BANP: variants seen among roughly 807,000 people sequenced by gnomAD.
BANP encodes BTG3 associated nuclear protein, also known as protein BANP.
In BANP, 11 loss-of-function variants were observed where a neutral mutation model predicts 68.1. The observed-to-expected ratio is 0.16, with a 90% CI of 0.10 to 0.27. The LOEUF is 0.27. Among genes scored for constraint, BANP ranks in the 10% least tolerant of loss-of-function variants. BANP has a pLI of 1.00. For synonymous variants in BANP, 329 were observed against 303.2 expected (o/e 1.09, Z -0.88); for missense variants, 504 against 722.7 (o/e 0.70, Z 3.47).
At chr16:88,024,993 G>A (rs1378388510) in intron 7 of BANP, among the ~76,000 whole-genome samples, 1 of 152,120 alleles carries the variant, frequency 6.6e-6, no homozygotes, top group Non-Finnish European at 1.5e-5. Context: ...AATTTTGTAT[G>A]GACTCATTCA....
At chr16:88,075,918 GTATT>G (rs143703921) in intron 13 of BANP, among the ~76,000 whole-genome samples, 35,417 of 151,504 alleles carry the variant, frequency 0.23, 4,471 homozygotes, top group East Asian at 0.47. Flanking sequence ...GCTAATTTTT[GTATT>G]TATTGTAGAG....
At chr16:88,060,980 A>C (rs2086604288) in intron 11 of BANP, among the ~76,000 whole-genome samples, 2 of 151,474 alleles carry the variant, frequency 1.3e-5, no homozygotes, top group East Asian at 3.9e-4. Context: ...CCAGTGAGTC[A>C]GAAGACCCCA....
At chr16:88,045,436 G>A (rs1228526445) in intron 11 of BANP, among the ~76,000 whole-genome samples, 1 of 152,252 alleles carries the variant, frequency 6.6e-6, no homozygotes, top group Non-Finnish European at 1.5e-5. Context: ...CAGCTGGGCT[G>A]TGCTAAGGGG....
chr16:88,018,657 C>T lies in BANP; in HGVS notation c.885C>T (p.Tyr295=), dbSNP rs772498217. 5.8e-6 allele frequency: 9 copies of T among 1,561,546 alleles called. No individual in the cohort carries two copies. Among genetic ancestry groups the T allele is most frequent in the East Asian group, 4.8e-5 (2 of 41,722 alleles). ...GKKQLDPLTI[Y]GIRCHLFYKF... ...AGCAGCTGGACCCGCTCACCATCTA[C>T]GGCATCCGGTGTAAGTCGGGCCCCG... Residue 295 remains tyrosine (Y), a synonymous_variant, in exon 7 of 14, where the codon TAC becomes TAT. Transcript: ENST00000682872. This position sits in a 1 kb window ranked among gnomAD's most constrained non-coding sequence, Gnocchi z 7.7.
chr16:88,043,919 G>T (rs1323076176), intron 11 of BANP, among the ~76,000 whole-genome samples: 1 of 152,232 alleles, frequency 6.6e-6, no homozygotes, highest in Non-Finnish European at 1.5e-5. Flanking sequence ...TGTAAGGATT[G>T]AAATTTGCAG....
At chr16:88,037,125 T>C (rs2079560402) in intron 10 of BANP, 1 of 152,122 alleles carries the variant, frequency 6.6e-6, no homozygotes, top group Non-Finnish European at 1.5e-5. Context: ...TTAGAGTCAT[T>C]GAAAATGCAG....
At chr16:87,958,931 G>C (rs973635648) in intron 1 of BANP, among the ~76,000 whole-genome samples, 1 of 152,246 alleles carries the variant, frequency 6.6e-6, no homozygotes, top group Non-Finnish European at 1.5e-5. Flanking sequence ...ATCCTTTGCA[G>C]ACATAGAGAA....
chr16:88,064,991 C>G lies in BANP; in HGVS notation c.1312-276C>G, dbSNP rs190714777. Among the ~76,000 whole-genome samples, 1 of 152,354 alleles carries G rather than the reference C, an allele frequency of 6.6e-6. No homozygotes were observed. Among genetic ancestry groups the G allele is most frequent in the Admixed American group, 6.5e-5 (1 of 15,308 alleles). On this transcript the variant is annotated intron_variant, in intron 11 of 13. Coordinates refer to ENST00000682872, the MANE Select transcript of BANP (RefSeq NM_001386991.1). The surrounding 1 kb of genome is among the most constrained non-coding windows in gnomAD (Gnocchi z 4.5). ...ACAAACTCTTTCTAATGGAAAAAAG[C>G]GGTTGCTCTCCCTGCAGCTGCCAGC... is the stretch of plus-strand genomic sequence containing the variant.
intron 11 of BANP, among the ~76,000 whole-genome samples, chr16:88,052,300 C>T (rs758223671): frequency 3.9e-4 from 59 of 152,158 alleles, no homozygotes; most frequent in Admixed American, 6.5e-4. Flanking sequence ...TAGCGCTCTG[C>T]CTGCATTAAC....
intron 11 of BANP, among the ~76,000 whole-genome samples, chr16:88,054,883 C>G (rs2084590792): frequency 6.6e-6 from 1 of 152,186 alleles, no homozygotes; most frequent in Non-Finnish European, 1.5e-5. Context: ...CAGATTGAAT[C>G]TAATGTGCAG....
intron 7 of BANP, among the ~76,000 whole-genome samples, chr16:88,023,785 G>A (rs2058270932): frequency 6.6e-6 from 1 of 152,214 alleles, no homozygotes; most frequent in African/African-American, 2.4e-5. Context: ...ACGGTGTAGT[G>A]GAGACTCTTT....
chr16:87,992,669 C>A (rs921671562), intron 4 of BANP, among the ~76,000 whole-genome samples: 1 of 151,810 alleles, frequency 6.6e-6, no homozygotes, highest in African/African-American at 2.4e-5. Context: ...TAGCGGGCGC[C>A]TGTAGTCTCA....
chr16:88,029,125 G>T (rs540353617), intron 8 of BANP, among the ~76,000 whole-genome samples: 2 of 152,006 alleles, frequency 1.3e-5, no homozygotes, highest in African/African-American at 4.8e-5. Context: ...TGGACAACAT[G>T]GTGAAACCCC....
chr16:88,060,221 G>A (rs1042575968), intron 11 of BANP, among the ~76,000 whole-genome samples: 1 of 152,264 alleles, frequency 6.6e-6, no homozygotes, highest in Non-Finnish European at 1.5e-5. Context: ...CGTAGTTTGA[G>A]GTGTGTGCAG....
At chr16:88,048,870 G>T (rs1158574797) in intron 11 of BANP, among the ~76,000 whole-genome samples, 1 of 152,196 alleles carries the variant, frequency 6.6e-6, no homozygotes, top group Non-Finnish European at 1.5e-5. Context: ...GCTCACCACA[G>T]ATTCTGACCT....
rs1377207589 is a variant in BANP, at chr16:88,018,402, C to T, written c.656-26C>T. 3.8e-6 allele frequency: 6 copies of T among 1,599,494 alleles called. No homozygotes were observed. Among genetic ancestry groups the T allele is most frequent in the African/African-American group, 1.3e-5 (1 of 74,834 alleles). On this transcript the variant is annotated intron_variant, in intron 6 of 13. Transcript: ENST00000682872. This position sits in a 1 kb window ranked among gnomAD's most constrained non-coding sequence, Gnocchi z 7.7. ...GTGAGCTTATTTGAGCCTTGGCCAT[C>T]TGAGGACCTGTCTTCTGTTTTTCAG...
chr16:88,007,404 G>C (rs1417228965), intron 6 of BANP, among the ~76,000 whole-genome samples: 2 of 152,154 alleles, frequency 1.3e-5, no homozygotes, highest in African/African-American at 4.8e-5. Flanking sequence ...TCCTAGCGGG[G>C]GCCTCTCTCC....
chr16:88,015,408 C>A (rs2074308964), intron 6 of BANP, among the ~76,000 whole-genome samples: 1 of 152,252 alleles, frequency 6.6e-6, no homozygotes, highest in Non-Finnish European at 1.5e-5. Flanking sequence ...TGCTTTCTGC[C>A]CAGGTGACTG....
At chr16:87,955,109 C>T (rs962877427) in intron 1 of BANP, among the ~76,000 whole-genome samples, 1 of 152,182 alleles carries the variant, frequency 6.6e-6, no homozygotes, top group Non-Finnish European at 1.5e-5. Flanking sequence ...CCAAGCGGGC[C>T]GTCTGCCCTG....
Sources: allele counts gnomAD v4.1 joint callset (sites outside exome capture counted in the v4.1 genomes callset), GRCh38; gene constraint gnomAD v4.1.1; non-coding constraint Gnocchi (gnomAD v3.1); transcripts MANE v1.5; gene names NCBI Gene and HGNC (gene_info 2026-07-23, HGNC 2026-07-21).